PTPN4: variants seen among roughly 807,000 people sequenced by gnomAD.
PTPN4 encodes tyrosine-protein phosphatase non-receptor type 4.
Under a neutral mutation model 135.5 loss-of-function variants are expected in PTPN4, and 49 were observed. That is an observed-to-expected ratio of 0.36 (90% CI 0.29 to 0.46). The LOEUF is 0.46. Among genes scored for constraint, PTPN4 ranks in the 20% least tolerant of loss-of-function variants. The probability of loss-of-function intolerance (pLI) is 1.00; values close to 1 mark genes in which losing one functional copy is unlikely to be tolerated. For synonymous variants in PTPN4, 333 were observed against 369.9 expected, an observed-to-expected ratio of 0.90 and a Z score of 1.14; for missense variants, 860 against 1,101.0, an observed-to-expected ratio of 0.78 and a Z score of 3.10.
chr2:119,787,450 A>G (rs1289227937), intron 1 of PTPN4, among the ~76,000 whole-genome samples: 5 of 152,232 alleles, frequency 3.3e-5, no homozygotes, highest in African/African-American at 1.2e-4. Context: ...GATTACTACT[A>G]ATAGTGATAC....
In PTPN4 at chr2:119,955,182, G is replaced by A; in HGVS notation, c.1839G>A (p.Lys613=). The part of the protein sequence containing the change: ...PNAVYDVVEE[K]LENEPDFQYI... ...CTGTATATGATGTAGTGGAAGAAAA[G>A]CTAGAAAATGAGCCAGATTTCCAGT... The change falls in exon 20 of 27, where the codon AAG becomes AAA. Residue 613 remains lysine (K), a synonymous_variant. Coordinates refer to ENST00000263708, the MANE Select transcript of PTPN4 (RefSeq NM_002830.4). 4 of 1,609,814 alleles carry A rather than the reference G, an allele frequency of 2.5e-6. No individual in the cohort carries two copies. Among genetic ancestry groups the A allele is most frequent in the Non-Finnish European group, 2.5e-6 (3 of 1,178,792 alleles).
At position 119,763,363 on chromosome 2, in the gene PTPN4, A is replaced by G. The variant is rs147651818; in HGVS notation, c.-18+2979A>G. Among the ~76,000 whole-genome samples the G allele has an allele frequency of 7.2e-5, 11 of 152,322 alleles. No homozygotes were observed. The East Asian group carries it at 2.1e-3, about 29-fold the overall frequency. On this transcript the variant is annotated intron_variant, in intron 1 of 26. Transcript: ENST00000263708. ...GTATTTTTTAACAAGGAGGTTATAT[A>G]GAGTAGTAGAAAGAAAAAAGGACCC...
At chr2:119,949,812 C>G (rs1362714455) in intron 18 of PTPN4, among the ~76,000 whole-genome samples, 1 of 152,064 alleles carries the variant, frequency 6.6e-6, no homozygotes, top group Non-Finnish European at 1.5e-5. Context: ...CACTACACTC[C>G]AGCCTAAGCA....
intron 5 of PTPN4, 47 bp downstream of exon 5, chr2:119,877,589 A>G (rs368905189): frequency 7.1e-6 from 11 of 1,548,292 alleles, no homozygotes; most frequent in South Asian, 2.5e-5. Flanking sequence ...CAAAACTCTA[A>G]TATGAAATTT....
intron 2 of PTPN4, among the ~76,000 whole-genome samples, chr2:119,827,878 C>CCA (rs1677167104): frequency 6.6e-6 from 1 of 151,988 alleles, no homozygotes; most frequent in Admixed American, 6.6e-5. Flanking sequence ...CTGTATAATA[C>CCA]TTCATTTATG....
rs186795154 is a variant in PTPN4, at chr2:119,960,175, C to G, written c.2134-632C>G. ...GGAGAAGAGACTTTCTTTATTCACT[C>G]TTTGTTATTCTTTGAATTGTCATGT... On this transcript the variant is annotated intron_variant, in intron 22 of 26. Transcript: ENST00000263708. Among the ~76,000 whole-genome samples the G allele has an allele frequency of 3.0e-3, 450 of 152,178 alleles. 1 individual carries two copies. Among genetic ancestry groups the G allele is most frequent in the Non-Finnish European group, 5.8e-3 (391 of 67,996 alleles).
At chr2:119,915,122 T>C in intron 10 of PTPN4, 57 bp from the exon 11 acceptor site, 1 of 1,349,422 alleles carries the variant, frequency 7.4e-7, no homozygotes, top group Non-Finnish European at 1.0e-6. Flanking sequence ...TTTTCATAAT[T>C]TGTTAATATT....
chr2:119,780,771 A>G lies in PTPN4; in HGVS notation c.-18+20387A>G, dbSNP rs528285000. 2.0e-5 allele frequency among the ~76,000 whole-genome samples: 3 copies of G among 152,336 alleles called. No individual in the cohort carries two copies. In the South Asian group the frequency reaches 6.2e-4, roughly 32 times the overall value. ...TGACAGATTTCTCCATTGTAAAGAT[A>G]TCGTTTCCCCTTTGTAATTAATAAG... On this transcript the variant is annotated intron_variant, in intron 1 of 26. Coordinates refer to ENST00000263708, the MANE Select transcript of PTPN4 (RefSeq NM_002830.4).
intron 23 of PTPN4, among the ~76,000 whole-genome samples, chr2:119,961,207 C>G (rs1021382046): frequency 2.4e-5 from 2 of 82,450 alleles, no homozygotes; most frequent in African/African-American, 8.9e-5. Flanking sequence ...GGTCTTGTGT[C>G]TAACGTATAT....
chr2:119,934,003 A>G (rs1011882438), intron 14 of PTPN4, among the ~76,000 whole-genome samples: 15 of 152,252 alleles, frequency 9.9e-5, no homozygotes, highest in Admixed American at 9.8e-4. Context: ...ATAGCAAGTT[A>G]TAGAAAATAA....
intron 2 of PTPN4, among the ~76,000 whole-genome samples, chr2:119,823,161 A>G (rs1183980547): frequency 6.6e-6 from 1 of 152,074 alleles, no homozygotes; most frequent in East Asian, 1.9e-4. Context: ...GGAGCTTTAA[A>G]AACTGGTACT....
chr2:119,802,045 A>AG (rs1214759632), intron 1 of PTPN4, among the ~76,000 whole-genome samples: 1 of 151,236 alleles, frequency 6.6e-6, no homozygotes, highest in Non-Finnish European at 1.5e-5. Context: ...GGACTACAAC[A>AG]GGCGCCCGCC....
At chr2:119,888,237 C>T (rs929015231) in intron 9 of PTPN4, among the ~76,000 whole-genome samples, 1 of 151,966 alleles carries the variant, frequency 6.6e-6, no homozygotes, top group Non-Finnish European at 1.5e-5. Flanking sequence ...GAAATCTAAG[C>T]ATTTTTGGTG....
At position 119,760,277 on chromosome 2, in the gene PTPN4, G is replaced by A. The variant is rs971161406; in HGVS notation, c.-125G>A. On this transcript the variant is annotated 5_prime_UTR_variant, in exon 1 of 27. Coordinates refer to ENST00000263708, the MANE Select transcript of PTPN4 (RefSeq NM_002830.4). The stretch of plus-strand genomic sequence containing the variant: ...CTGCGGCGGCGGCTGCTCGGGGGGC[G>A]CTGAGGTAGCCCCCCGGAGCGGCAC... 3 of 396,054 alleles carry A rather than the reference G, an allele frequency of 7.6e-6. No individual in the cohort carries two copies. The highest frequency in any genetic ancestry group is 6.2e-5 in the African/African-American group (3 of 48,496). 24.5% of individuals were successfully genotyped at this position (396,054 alleles called of 1,614,324 possible). A position where few individuals can be genotyped will look rare whatever the true frequency, so the allele number is the denominator to read the frequency against.
chr2:119,903,966 CA>C (rs1678447316), intron 10 of PTPN4, among the ~76,000 whole-genome samples: 1 of 152,144 alleles, frequency 6.6e-6, no homozygotes, highest in Non-Finnish European at 1.5e-5. Context: ...GAATCAAAGC[CA>C]AAGCACCCTA....
chr2:119,799,662 A>C (rs568997375), intron 1 of PTPN4, among the ~76,000 whole-genome samples: 1 of 151,962 alleles, frequency 6.6e-6, no homozygotes, highest in South Asian at 2.1e-4. Context: ...CCCAGAATTC[A>C]CTCTTCTTGG....
chr2:119,907,606 A>G (rs1678508431), intron 10 of PTPN4, among the ~76,000 whole-genome samples: 1 of 20,074 alleles, frequency 5.0e-5, no homozygotes, highest in Non-Finnish European at 3.6e-4. Flanking sequence ...CCCTTTCTCT[A>G]TTAAGAAAAA....
At chr2:119,905,210 T>TA (rs1678469653) in intron 10 of PTPN4, among the ~76,000 whole-genome samples, 1 of 152,008 alleles carries the variant, frequency 6.6e-6, no homozygotes, top group Non-Finnish European at 1.5e-5. Context: ...TGAATGGATG[T>TA]AAAAAAAGAA....
At chr2:119,882,358 A>G (rs1396725389) in intron 7 of PTPN4, 145 bp from the exon 8 acceptor site, 1 of 1,024,812 alleles carries the variant, frequency 9.8e-7, no homozygotes, top group Non-Finnish European at 1.4e-6. Flanking sequence ...AGAATGTTAA[A>G]TGGATTGCTG....
Sources: gnomAD v4.1 joint callset for allele counts (sites outside exome capture counted in the v4.1 genomes callset) on GRCh38, gnomAD v4.1.1 for gene constraint, MANE v1.5 for transcripts, NCBI Gene and HGNC (gene_info 2026-07-23, HGNC 2026-07-21) for gene names.